Variants in PDE3B observed in about 807,000 individuals in gnomAD.
The protein encoded by PDE3B is cGMP-inhibited 3',5'-cyclic phosphodiesterase 3B.
A neutral mutation model predicts 116.8 loss-of-function variants in PDE3B; 66 were observed. The observed-to-expected ratio is 0.56, with a 90% CI of 0.46 to 0.69. PDE3B has a LOEUF of 0.69. PDE3B is among the 30% of genes least tolerant of loss of function. PDE3B has a pLI of 0.00. For synonymous variants in PDE3B, 595 were observed against 533.6 expected, an observed-to-expected ratio of 1.12 and a Z score of -1.59; for missense variants, 1,384 against 1,368.1, an observed-to-expected ratio of 1.01 and a Z score of -0.18.
chr11:14,824,394 C>A (rs1386028387), intron 7 of PDE3B, among the ~76,000 whole-genome samples: 1 of 152,044 alleles, frequency 6.6e-6, no homozygotes, highest in Non-Finnish European at 1.5e-5. Context: ...CTAAGAATCA[C>A]AATAAAATGA....
In PDE3B at chr11:14,643,843, A is replaced by G. The variant is rs2133733238; in HGVS notation, c.-233A>G. The G allele has an allele frequency of 2.1e-6, 1 of 480,814 alleles. No individual in the cohort carries two copies. The highest frequency in any genetic ancestry group is 3.6e-5 in the East Asian group (1 of 28,008). 29.8% of individuals were successfully genotyped at this position (480,814 alleles called of 1,614,324 possible). A position where few individuals can be genotyped will look rare whatever the true frequency, so the allele number is the denominator to read the frequency against. On this transcript the variant is annotated 5_prime_UTR_variant, in exon 1 of 16. Transcript: ENST00000282096. ...CCCGAGGGAAAAGGAGGCGGCAGCT[A>G]AACTGGTCCTGGAGAGAAGCCCCTT...
chr11:14,861,198 A>G lies in PDE3B; in HGVS notation c.2725-7A>G, dbSNP rs1555007093. The G allele has an allele frequency of 6.2e-7, 1 of 1,601,726 alleles. No individual in the cohort carries two copies. Among genetic ancestry groups the G allele is most frequent in the Non-Finnish European group, 8.5e-7 (1 of 1,172,042 alleles). On this transcript the variant is annotated splice_polypyrimidine_tract_variant and splice_region_variant and intron_variant, in intron 13 of 15. Transcript: ENST00000282096. The stretch of plus-strand genomic sequence containing the variant: ...GAACCTAAAATGATGTTGTTTTTCC[A>G]AAATAGGCAAATGATGTAAATAGTA...
intron 1 of PDE3B, among the ~76,000 whole-genome samples, chr11:14,677,152 C>A (rs1854554377): frequency 6.6e-6 from 1 of 151,640 alleles, no homozygotes; most frequent in African/African-American, 2.4e-5. Context: ...GATTTAAATT[C>A]TAAAAAAAAT....
chr11:14,774,722 T>C (rs1857735075), intron 2 of PDE3B: 1 of 152,256 alleles, frequency 6.6e-6, no homozygotes, highest in Non-Finnish European at 1.5e-5. Flanking sequence ...ATAATTTGAA[T>C]ATTCAATTTG....
At chr11:14,841,991 T>G (rs1847482269) in intron 11 of PDE3B, among the ~76,000 whole-genome samples, 1 of 151,912 alleles carries the variant, frequency 6.6e-6, no homozygotes, top group Non-Finnish European at 1.5e-5. Flanking sequence ...GTCATTTTTT[T>G]TGTTGCTAAG....
At position 14,692,552 on chromosome 11, in the gene PDE3B, C is replaced by T. The variant is rs191843250; in HGVS notation, c.978+47499C>T. 5.4e-3 allele frequency among the ~76,000 whole-genome samples: 826 copies of T among 152,096 alleles called. 5 individuals are homozygous for T. The highest frequency in any genetic ancestry group is 0.018 in the African/African-American group (767 of 41,468). Reference sequence around the variant, plus strand: ...TCGTATCACATTTTGGTAATTCTTGCGAAAAATTTTTAATTTTTTATTAGT... The same window carrying T: ...TCGTATCACATTTTGGTAATTCTTGTGAAAAATTTTTAATTTTTTATTAGT... On this transcript the variant is annotated intron_variant, in intron 1 of 15. Coordinates refer to ENST00000282096, the MANE Select transcript of PDE3B (RefSeq NM_000922.4).
chr11:14,766,761 T>A, intron 1 of PDE3B, among the ~76,000 whole-genome samples: 1 of 151,692 alleles, frequency 6.6e-6, no homozygotes, highest in East Asian at 1.9e-4. Flanking sequence ...GACAACTGAT[T>A]TTTTCTCTCA....
downstream of PDE3B, among the ~76,000 whole-genome samples, chr11:14,872,406 A>G (rs1565173763): frequency 6.6e-6 from 1 of 152,228 alleles, no homozygotes; most frequent in East Asian, 1.9e-4. Flanking sequence ...GAGAGAGAAT[A>G]ACAGCATGTA....
chr11:14,669,171 A>G (rs958532665), intron 1 of PDE3B, among the ~76,000 whole-genome samples: 3 of 152,214 alleles, frequency 2.0e-5, no homozygotes, highest in Non-Finnish European at 4.4e-5. Flanking sequence ...GTAGCTGTAT[A>G]GAGATTCATT....
At chr11:14,759,032 G>T (rs908344714) in intron 1 of PDE3B, among the ~76,000 whole-genome samples, 1 of 151,992 alleles carries the variant, frequency 6.6e-6, no homozygotes, top group African/African-American at 2.4e-5. Context: ...TAGTCATGTG[G>T]TTTTTGTCTT....
chr11:14,712,290 G>A (rs1855727512), intron 1 of PDE3B, among the ~76,000 whole-genome samples: 1 of 151,808 alleles, frequency 6.6e-6, no homozygotes, highest in Admixed American at 6.6e-5. Context: ...TTACTATATT[G>A]GCTAGGCTGC....
At chr11:14,741,265 T>C (rs1856764639) in intron 1 of PDE3B, among the ~76,000 whole-genome samples, 1 of 152,104 alleles carries the variant, frequency 6.6e-6, no homozygotes, top group Admixed American at 6.5e-5. Context: ...TAAGACTTGG[T>C]ATTATGAATC....
At chr11:14,709,430 A>G (rs1855632140) in intron 1 of PDE3B, among the ~76,000 whole-genome samples, 1 of 152,174 alleles carries the variant, frequency 6.6e-6, no homozygotes, top group Non-Finnish European at 1.5e-5. Flanking sequence ...GATTAAAGTC[A>G]GTTTTTCCAT....
the PDE3B span, chr11:14,880,135 C>A: frequency 6.2e-7 from 1 of 1,612,318 alleles, no homozygotes; most frequent in East Asian, 2.2e-5. Context: ...AGAATCCTCA[C>A]CTTGAATATT....
chr11:14,876,318 A>C (rs967441741), downstream of PDE3B, among the ~76,000 whole-genome samples: 2 of 152,124 alleles, frequency 1.3e-5, no homozygotes, highest in African/African-American at 2.4e-5. Flanking sequence ...GGAGTTCAAG[A>C]CCAGCCTGGA....
intron 1 of PDE3B, among the ~76,000 whole-genome samples, chr11:14,670,459 A>T (rs1854327541): frequency 6.6e-6 from 1 of 152,156 alleles, no homozygotes; most frequent in Non-Finnish European, 1.5e-5. Flanking sequence ...ACTTGTCTTC[A>T]TGAGAACCTC....
intron 1 of PDE3B, among the ~76,000 whole-genome samples, chr11:14,749,919 T>TATATATATATATATA (rs1391477381): frequency 1.4e-4 from 20 of 138,664 alleles, no homozygotes; most frequent in East Asian, 2.1e-4. Flanking sequence ...TATATGTATC[T>TATATATATATATATA]TTGTGGAAGC....
chr11:14,880,624 G>A, the PDE3B span: 2 of 1,606,420 alleles, frequency 1.2e-6, no homozygotes, highest in East Asian at 2.2e-5. Context: ...ACCTTTGTAT[G>A]TTTCAATAGC....
chr11:14,796,880 G>T (rs1023708830), intron 4 of PDE3B, among the ~76,000 whole-genome samples: 2 of 151,972 alleles, frequency 1.3e-5, no homozygotes, highest in African/African-American at 4.8e-5. Flanking sequence ...AGATCGCATT[G>T]GTCAATGTTG....
Sources: gnomAD v4.1 joint callset for allele counts (sites outside exome capture counted in the v4.1 genomes callset) on GRCh38, gnomAD v4.1.1 for gene constraint, MANE v1.5 for transcripts, NCBI Gene and HGNC (gene_info 2026-07-23, HGNC 2026-07-21) for gene names.